Variants in RBM34 observed in about 807,000 individuals in gnomAD.
The protein encoded by RBM34 is RNA-binding protein 34.
Under a neutral mutation model 44.6 loss-of-function variants are expected in RBM34, and 39 were observed. The observed-to-expected ratio is 0.87, with a 90% CI of 0.68 to 1.14. The LOEUF is 1.14. Ranked by LOEUF, RBM34 falls within the 50% of genes most tolerant of loss-of-function variation. RBM34 has a pLI of 0.00. For synonymous variants in RBM34, 194 were observed against 184.0 expected, an observed-to-expected ratio of 1.05 and a Z score of -0.44; for missense variants, 572 against 517.9, an observed-to-expected ratio of 1.10 and a Z score of -1.01.
intron 6 of RBM34, among the ~76,000 whole-genome samples, chr1:235,141,817 T>C (rs112482633): frequency 0.076 from 11,498 of 151,944 alleles, 827 homozygotes; most frequent in African/African-American, 0.19. Flanking sequence ...CCTGAGCCAG[T>C]GAGACCACGA....
At chr1:235,151,337 T>C (rs1662149675) in intron 5 of RBM34, among the ~76,000 whole-genome samples, 1 of 152,016 alleles carries the variant, frequency 6.6e-6, no homozygotes, top group South Asian at 2.1e-4. Context: ...TATATTGAAA[T>C]CAGGGTCTGG....
At chr1:235,139,509 G>C (rs955927623) in intron 6 of RBM34, among the ~76,000 whole-genome samples, 1 of 152,084 alleles carries the variant, frequency 6.6e-6, no homozygotes, top group Admixed American at 6.6e-5. Flanking sequence ...GCTGGCCTAG[G>C]ACTGAAACCA....
At chr1:235,151,898 T>C (rs913191616) in intron 5 of RBM34, among the ~76,000 whole-genome samples, 1 of 152,046 alleles carries the variant, frequency 6.6e-6, no homozygotes, top group African/African-American at 2.4e-5. Flanking sequence ...CCGGGCATGG[T>C]AGCGCACACC....
intron 5 of RBM34, among the ~76,000 whole-genome samples, chr1:235,149,572 A>G (rs529381796): frequency 6.6e-6 from 1 of 152,298 alleles, no homozygotes; most frequent in African/African-American, 2.4e-5. Flanking sequence ...GGTGTCCATC[A>G]TGCAGGTAAG....
At chr1:235,142,843 A>G (rs948689673) in intron 6 of RBM34, among the ~76,000 whole-genome samples, 7 of 147,284 alleles carry the variant, frequency 4.8e-5, no homozygotes, top group Non-Finnish European at 7.4e-5. Flanking sequence ...CAGGAGAATC[A>G]GTTGAACCCG....
At chr1:235,152,374 A>G in intron 5 of RBM34, 1 of 649,762 alleles carries the variant, frequency 1.5e-6, no homozygotes, top group Non-Finnish European at 2.0e-6. Flanking sequence ...GGGACATAGG[A>G]AGAGAATGCC....
Position 235,160,874 on chromosome 1 carries a change from A to G in RBM34, c.228+19T>C, listed in dbSNP as rs1189261723. On this transcript the variant is annotated intron_variant, in intron 2 of 10. Transcript: ENST00000408888. ...AGTGGTTCTAACGAGCTATTCGGGA[A>G]GAAAGCCCAGTGACTTACTTTAGGC... 3 of 1,611,772 alleles carry G rather than the reference A, an allele frequency of 1.9e-6. No homozygotes were observed. The highest frequency in any genetic ancestry group is 2.5e-6 in the Non-Finnish European group (3 of 1,178,636).
chr1:235,142,008 G>A (rs1048913116), intron 6 of RBM34, among the ~76,000 whole-genome samples: 8 of 152,196 alleles, frequency 5.3e-5, no homozygotes, highest in Non-Finnish European at 7.3e-5. Context: ...AGGCTAAGCT[G>A]CTAGGGGAGG....
intron 6 of RBM34, among the ~76,000 whole-genome samples, chr1:235,141,685 C>A (rs997333631): frequency 1.3e-5 from 2 of 152,168 alleles, no homozygotes; most frequent in South Asian, 4.1e-4. Context: ...ACACTCACCG[C>A]AAAGATCTGC....
intron 8 of RBM34, among the ~76,000 whole-genome samples, chr1:235,137,027 C>T (rs1405872254): frequency 6.6e-5 from 10 of 152,190 alleles, no homozygotes; most frequent in Non-Finnish European, 1.5e-4. Context: ...AGGTCTATCT[C>T]CTCATCTTTC....
chr1:235,145,560 G>A (rs748962417), intron 6 of RBM34, among the ~76,000 whole-genome samples: 20 of 152,134 alleles, frequency 1.3e-4, no homozygotes, highest in Non-Finnish European at 2.6e-4. Context: ...TTGCAGGCAT[G>A]AGCCATCTTC....
At chr1:235,147,198 T>C (rs1231733289) in intron 6 of RBM34, among the ~76,000 whole-genome samples, 1 of 152,112 alleles carries the variant, frequency 6.6e-6, no homozygotes, top group Non-Finnish European at 1.5e-5. Context: ...GCCACTGCAC[T>C]CCAGCCTGGG....
At chr1:235,144,384 T>C (rs188750677) in intron 6 of RBM34, among the ~76,000 whole-genome samples, 63 of 151,694 alleles carry the variant, frequency 4.2e-4, no homozygotes, top group African/African-American at 1.4e-3. Context: ...CTCGAGATGA[T>C]AAAGTGTTTG....
rs565415058 is a variant in RBM34, at chr1:235,144,424, T to C, written c.701+3980A>G. On this transcript the variant is annotated intron_variant, in intron 6 of 10. Coordinates refer to ENST00000408888, the MANE Select transcript of RBM34 (RefSeq NM_015014.4). Reference sequence around the variant, plus strand: ...CTGGACTATGGCAGTGGTTTCAAGATTGCCTACATATGTTAAAATTATAAA... The same window carrying C: ...CTGGACTATGGCAGTGGTTTCAAGACTGCCTACATATGTTAAAATTATAAA... Among the ~76,000 whole-genome samples, 270 of 151,360 alleles carry C rather than the reference T, an allele frequency of 1.8e-3. 1 individual carries two copies. The highest frequency in any genetic ancestry group is 2.4e-3 in the Non-Finnish European group (163 of 67,974).
At chr1:235,135,600 A>G in intron 10 of RBM34, 52 bp downstream of exon 10, 1 of 1,410,864 alleles carries the variant, frequency 7.1e-7, no homozygotes, top group Non-Finnish European at 1.0e-6. Context: ...AACAGTGTCA[A>G]TGCCTCCCAG....
chr1:235,146,548 T>G (rs1661915032), intron 6 of RBM34, among the ~76,000 whole-genome samples: 1 of 152,138 alleles, frequency 6.6e-6, no homozygotes, highest in Admixed American at 6.6e-5. Flanking sequence ...TCTAGAAGCT[T>G]ACATAAGAAA....
rs1395649147 is a variant in RBM34 at position 235,160,798 on chromosome 1, C to T, written c.228+95G>A. Reference sequence around the variant, plus strand: ...TACTTAAAATGAATCCTGTCTGCCCCCTTTAGAAATCACGCTTCACGCGGT... The same window carrying T: ...TACTTAAAATGAATCCTGTCTGCCCTCTTTAGAAATCACGCTTCACGCGGT... On this transcript the variant is annotated intron_variant, in intron 2 of 10. Coordinates refer to ENST00000408888, the MANE Select transcript of RBM34 (RefSeq NM_015014.4). The T allele has an allele frequency of 2.0e-6, 3 of 1,537,994 alleles. No individual in the cohort carries two copies. The Admixed American group carries it at 5.7e-5, about 29-fold the overall frequency.
Position 235,131,709 on chromosome 1 carries a change from G to A in RBM34, c.*4C>T. ...GCAGGAAAAGAAAAAGCAGTTCCTGGTTGTTATTTCTGTTTTCTCTGTTTC... is the reference window on the plus strand; with the variant it reads ...GCAGGAAAAGAAAAAGCAGTTCCTGATTGTTATTTCTGTTTTCTCTGTTTC... On this transcript the variant is annotated 3_prime_UTR_variant, in exon 11 of 11. Coordinates refer to ENST00000408888, the MANE Select transcript of RBM34 (RefSeq NM_015014.4). The A allele has an allele frequency of 6.3e-7, 1 of 1,582,632 alleles. No individual in the cohort carries two copies. Among genetic ancestry groups the A allele is most frequent in the Non-Finnish European group, 8.6e-7 (1 of 1,168,438 alleles).
In RBM34 at chr1:235,161,160, C is replaced by G. The variant is rs748554912; in HGVS notation, c.53+14G>C. 6 of 1,598,854 alleles carry G rather than the reference C, an allele frequency of 3.8e-6. No homozygotes were observed. Among genetic ancestry groups the G allele is most frequent in the Middle Eastern group, 1.7e-4 (1 of 6,000 alleles). On this transcript the variant is annotated intron_variant, in intron 1 of 10. Transcript: ENST00000408888. The stretch of plus-strand genomic sequence containing the variant: ...AACATCCCTCCCCAGGTACTCGTGC[C>G]GCGCGCCACTCACCCCTCCTGGACA...
Sources: allele counts gnomAD v4.1 joint callset (sites outside exome capture counted in the v4.1 genomes callset), GRCh38; gene constraint gnomAD v4.1.1; transcripts MANE v1.5; gene names NCBI Gene and HGNC (gene_info 2026-07-23, HGNC 2026-07-21).